Variants in DCDC1 observed in about 807,000 individuals in gnomAD.
The protein encoded by DCDC1 is doublecortin domain-containing protein 1.
Under a neutral mutation model 178.3 loss-of-function variants are expected in DCDC1, and 200 were observed. The ratio of observed to expected loss-of-function variants is 1.12; its 90% CI spans 1.00 to 1.26. DCDC1 has a LOEUF of 1.26. Ranked by LOEUF, DCDC1 falls within the 50% of genes most tolerant of loss-of-function variation. The pLI is 0.00. For synonymous variants in DCDC1, 690 were observed against 604.8 expected (o/e 1.14, Z -2.07); for missense variants, 1,983 against 1,749.2 (o/e 1.13, Z -2.38).
intron 7 of DCDC1, chr11:31,281,058 C>A: frequency 2.1e-6 from 1 of 479,098 alleles, no homozygotes; most frequent in South Asian, 1.8e-5. Flanking sequence ...CCTTAAATTT[C>A]ACTTTCTAAT....
At chr11:30,976,625 C>T (rs934103674) in intron 20 of DCDC1, among the ~76,000 whole-genome samples, 2 of 151,348 alleles carry the variant, frequency 1.3e-5, no homozygotes, top group Admixed American at 1.3e-4. Flanking sequence ...ATCAAAACTA[C>T]AATGAGATAT....
chr11:31,171,722 T>C (rs1967266594), intron 9 of DCDC1, among the ~76,000 whole-genome samples: 1 of 152,236 alleles, frequency 6.6e-6, no homozygotes, highest in Non-Finnish European at 1.5e-5. Context: ...GACTTTGTAG[T>C]ATAATTTTAC....
chr11:31,015,430 T>C (rs1273096111), intron 20 of DCDC1, among the ~76,000 whole-genome samples: 1 of 152,220 alleles, frequency 6.6e-6, no homozygotes, highest in Non-Finnish European at 1.5e-5. Context: ...TGCTCATCAG[T>C]GTTTCCCTTT....
chr11:30,964,512 G>A (rs922081813), intron 20 of DCDC1, among the ~76,000 whole-genome samples: 4 of 152,062 alleles, frequency 2.6e-5, no homozygotes, highest in Admixed American at 6.6e-5. Flanking sequence ...CGCAGCATCC[G>A]TCACACCATC....
chr11:31,347,929 C>G (rs1368169983), intron 1 of DCDC1, among the ~76,000 whole-genome samples: 1 of 152,180 alleles, frequency 6.6e-6, no homozygotes, highest in African/African-American at 2.4e-5. Flanking sequence ...CATGGCACAG[C>G]TGTCAGCCCA....
intron 9 of DCDC1, among the ~76,000 whole-genome samples, chr11:31,208,615 A>G (rs1972137366): frequency 6.6e-6 from 1 of 152,102 alleles, no homozygotes; most frequent in Admixed American, 6.6e-5. Context: ...CAAGAGTAAA[A>G]AAGAAACTCC....
At chr11:31,199,160 A>G (rs987495412) in intron 9 of DCDC1, among the ~76,000 whole-genome samples, 4 of 152,058 alleles carry the variant, frequency 2.6e-5, no homozygotes, top group African/African-American at 9.7e-5. Flanking sequence ...TTGAGCATCC[A>G]TTGGCGCAAT....
chr11:31,146,448 T>C (rs937315164), intron 9 of DCDC1, among the ~76,000 whole-genome samples: 23 of 152,174 alleles, frequency 1.5e-4, no homozygotes, highest in African/African-American at 5.3e-4. Context: ...CTTTTCCCCG[T>C]TGGTTTACTT....
At chr11:31,126,957 G>C (rs929621594) in intron 11 of DCDC1, among the ~76,000 whole-genome samples, 2 of 152,124 alleles carry the variant, frequency 1.3e-5, no homozygotes, top group African/African-American at 2.4e-5. Flanking sequence ...TTTTTTCCCA[G>C]TATATTCTTA....
intron 20 of DCDC1, among the ~76,000 whole-genome samples, chr11:31,031,494 G>A (rs1953640060): frequency 6.6e-6 from 1 of 151,982 alleles, no homozygotes; most frequent in Non-Finnish European, 1.5e-5. Flanking sequence ...CTTTTATAAT[G>A]TTTATCTTAC....
chr11:31,128,997 C>T (rs759083597), intron 10 of DCDC1, among the ~76,000 whole-genome samples: 128 of 152,038 alleles, frequency 8.4e-4, no homozygotes, highest in Non-Finnish European at 1.4e-3. Context: ...AATGGAAAAT[C>T]CTTCTACAAG....
intron 8 of DCDC1, among the ~76,000 whole-genome samples, chr11:31,254,549 T>G (rs186667863): frequency 6.6e-6 from 1 of 152,206 alleles, no homozygotes; most frequent in Non-Finnish European, 1.5e-5. Context: ...CTTACTATAT[T>G]TGGTACATAT....
intron 9 of DCDC1, among the ~76,000 whole-genome samples, chr11:31,211,077 T>C (rs2616789): frequency 0.092 from 13,932 of 152,196 alleles, 1,760 homozygotes; most frequent in African/African-American, 0.28. Flanking sequence ...TTATGACTTT[T>C]ACACTTGAGA....
intron 38 of DCDC1, among the ~76,000 whole-genome samples, chr11:30,870,586 T>C (rs1265551940): frequency 6.6e-6 from 1 of 152,234 alleles, no homozygotes; most frequent in African/African-American, 2.4e-5. Flanking sequence ...GGTTTGACAC[T>C]GGAATTGATT....
chr11:31,222,878 A>T (rs985544339), intron 9 of DCDC1, among the ~76,000 whole-genome samples: 3 of 152,176 alleles, frequency 2.0e-5, no homozygotes, highest in African/African-American at 7.2e-5. Flanking sequence ...GGGGGATAGG[A>T]CTTCAATATA....
chr11:30,894,303 C>T lies in DCDC1; in HGVS notation c.4847G>A (p.Trp1616Ter), dbSNP rs773367915. ...AATTTCCTGTTGAGTCTGTTCGGTC[C>T]AGCCTCCTTCAACCACCACGGGCTG... ...PVQPVVVEGG[W>*]TEQTQQEIKL... is the part of the protein sequence containing the mutation. The change falls in exon 35 of 39, where the codon TGG becomes TAG. Residue 1616 changes from tryptophan to a stop codon, truncating the protein, a stop_gained. Coordinates refer to ENST00000684477, the MANE Select transcript of DCDC1 (RefSeq NM_001387274.1). LOFTEE classifies it high-confidence loss of function. The T allele has an allele frequency of 3.1e-6, 5 of 1,613,670 alleles. No individual in the cohort carries two copies. The highest frequency in any genetic ancestry group is 4.2e-6 in the Non-Finnish European group (5 of 1,179,812).
chr11:31,112,723 CAA>C (rs778098542), intron 11 of DCDC1, among the ~76,000 whole-genome samples: 1 of 152,156 alleles, frequency 6.6e-6, no homozygotes, highest in Non-Finnish European at 1.5e-5. Flanking sequence ...TACAGAGTTT[CAA>C]GAGAGTGTTT....
chr11:31,006,220 C>T (rs565702078), intron 20 of DCDC1, among the ~76,000 whole-genome samples: 1 of 152,060 alleles, frequency 6.6e-6, no homozygotes, highest in Non-Finnish European at 1.5e-5. Flanking sequence ...CTGTAATTAG[C>T]TTGATGACAC....
intron 11 of DCDC1, among the ~76,000 whole-genome samples, chr11:31,123,251 AG>A (rs536768384): frequency 7.4e-4 from 112 of 152,236 alleles, no homozygotes; most frequent in African/African-American, 2.5e-3. Flanking sequence ...AAATAAACTT[AG>A]GAAGAAATGC....
Sources: allele counts gnomAD v4.1 joint callset (sites outside exome capture counted in the v4.1 genomes callset), GRCh38; gene constraint gnomAD v4.1.1; transcripts MANE v1.5; gene names NCBI Gene and HGNC (gene_info 2026-07-23, HGNC 2026-07-21).